The following NSDHL variants were observed in gnomAD, a reference collection of about 807,000 sequenced individuals.
NSDHL encodes NAD(P) dependent 3-beta-hydroxysteroid dehydrogenase NSDHL.
NSDHL carries 1 observed loss-of-function variant against 23.0 expected under a neutral mutation model. The ratio of observed to expected loss-of-function variants is 0.04; its 90% CI spans 0.02 to 0.21. The LOEUF is 0.21. Among genes scored for constraint, NSDHL ranks in the 10% least tolerant of loss-of-function variants. The pLI, the probability that NSDHL is intolerant of heterozygous loss-of-function variation, is 1.00. For missense variants in NSDHL, 237 were observed against 300.9 expected, an observed-to-expected ratio of 0.79 and a Z score of 1.57; for synonymous variants, 128 against 121.1, an observed-to-expected ratio of 1.06 and a Z score of -0.37.
At chrX:152,853,453 T>C (rs1393884886) in intron 3 of NSDHL, among the ~76,000 whole-genome samples, 2 of 111,116 alleles carry the variant, frequency 1.8e-5, no homozygotes, top group Admixed American at 9.6e-5. Flanking sequence ...ATCCAACAAC[T>C]TCTCACCCCT....
At chrX:152,843,912 G>A (rs1438923204) in intron 1 of NSDHL, among the ~76,000 whole-genome samples, 3 of 112,147 alleles carry the variant, frequency 2.7e-5, no homozygotes, top group Non-Finnish European at 5.6e-5. Context: ...TTGTTAGCCA[G>A]CATCTAGTTG....
intron 1 of NSDHL, 39 bp from the exon 2 acceptor site, chrX:152,846,243 T>C (rs1416752934): frequency 2.8e-6 from 2 of 726,545 alleles, no homozygotes; most frequent in Non-Finnish European, 4.4e-6. Flanking sequence ...TGTTTTGACT[T>C]AGGCAACATT....
At chrX:152,859,778 G>A (rs1933498780) in intron 4 of NSDHL, among the ~76,000 whole-genome samples, 1 of 112,363 alleles carries the variant, frequency 8.9e-6, no homozygotes, top group Admixed American at 9.4e-5. Flanking sequence ...CTAGTTCTAC[G>A]TTTAACCTTT....
intron 1 of NSDHL, among the ~76,000 whole-genome samples, chrX:152,832,745 G>A (rs371315701): frequency 5.3e-5 from 6 of 112,165 alleles, no homozygotes; most frequent in African/African-American, 1.9e-4. Flanking sequence ...TGGGCAAGTC[G>A]CTTAACCTCT....
chrX:152,848,686 T>C (rs781818753), intron 2 of NSDHL, among the ~76,000 whole-genome samples: 2 of 112,176 alleles, frequency 1.8e-5, no homozygotes, highest in Non-Finnish European at 1.9e-5. Flanking sequence ...TAGTAACATA[T>C]CTAGTTCTGA....
chrX:152,832,632 C>G (rs1933031527), intron 1 of NSDHL, among the ~76,000 whole-genome samples: 1 of 111,985 alleles, frequency 8.9e-6, no homozygotes, highest in African/African-American at 3.3e-5. Context: ...TAATGTCCCT[C>G]CATACCTTGC....
intron 1 of NSDHL, among the ~76,000 whole-genome samples, chrX:152,840,186 CTAGT>C (rs1933167521): frequency 8.9e-6 from 1 of 112,150 alleles, no homozygotes; most frequent in African/African-American, 3.2e-5. Context: ...ACTGTTTATT[CTAGT>C]TAGTCATTCA....
At position 152,850,421 on chromosome X, in the gene NSDHL, C is replaced by G. The variant is rs145580873; in HGVS notation, c.265C>G (p.Gln89Glu). The G allele has an allele frequency of 2.3e-5, 28 of 1,208,522 alleles. No individual in the cohort carries two copies. Among genetic ancestry groups the G allele is most frequent in the Non-Finnish European group, 3.0e-5 (27 of 893,626 alleles). ...CTTTCTGGGTGACCTCTGCAGCCGA[C>G]AGGTAATGGACCATGCAGCCTTGCT... The part of the protein sequence containing the change: ...RFFLGDLCSR[Q>E]DLYPALKGVN... Residue 89 changes from glutamine (Q) to glutamate (E), a missense_variant and splice_region_variant, in exon 3 of 8, where the codon CAG becomes GAG. Transcript: ENST00000370274.
At position 152,859,968 on chromosome X, in the gene NSDHL, C is replaced by A. The variant is rs73641507; in HGVS notation, c.414+1052C>A. On this transcript the variant is annotated intron_variant, in intron 4 of 7. Coordinates refer to ENST00000370274, the MANE Select transcript of NSDHL (RefSeq NM_015922.3). Reference sequence around the variant, plus strand: ...GGTTCTTAGAATTGTCTTTAGAGGACTCCAGCCACTGGCTAAAACGGCTCC... The same window carrying A: ...GGTTCTTAGAATTGTCTTTAGAGGAATCCAGCCACTGGCTAAAACGGCTCC... Among the ~76,000 whole-genome samples, 738 of 112,515 alleles carry A rather than the reference C, an allele frequency of 6.6e-3. 11 individuals are homozygous for A. The highest frequency in any genetic ancestry group is 0.022 in the African/African-American group (691 of 30,938).
intron 5 of NSDHL, among the ~76,000 whole-genome samples, chrX:152,864,225 A>G (rs1933572665): frequency 8.9e-6 from 1 of 112,431 alleles, no homozygotes; most frequent in African/African-American, 3.2e-5. Flanking sequence ...CTGTTGCTTC[A>G]GCTCAGAAAG....
At chrX:152,865,569 G>A (rs1933593405) in intron 5 of NSDHL, among the ~76,000 whole-genome samples, 1 of 112,781 alleles carries the variant, frequency 8.9e-6, no homozygotes, top group South Asian at 3.6e-4. Context: ...ACCAGTTTTT[G>A]CCCAGCTGTC....
intron 1 of NSDHL, among the ~76,000 whole-genome samples, chrX:152,845,846 T>G (rs1162877447): frequency 8.9e-6 from 1 of 112,252 alleles, no homozygotes; most frequent in Non-Finnish European, 1.9e-5. Flanking sequence ...GGGAAGTGAC[T>G]GGAGCAATTC....
In NSDHL at chrX:152,839,633, C is replaced by T. The variant is rs782009486; in HGVS notation, c.-43-6649C>T. ...AGAATGTTGAATATTGGCTCCCACT[C>T]TCTTCTGGCTTGTAGGGTTTCTGCC... On this transcript the variant is annotated intron_variant, in intron 1 of 7. Coordinates refer to ENST00000370274, the MANE Select transcript of NSDHL (RefSeq NM_015922.3). Among the ~76,000 whole-genome samples the T allele has an allele frequency of 2.7e-5, 3 of 112,736 alleles. 1 individual carries two copies. The South Asian group carries it at 1.1e-3, about 41-fold the overall frequency.
At chrX:152,867,423 C>T (rs1264288527) in intron 6 of NSDHL, 148 bp from the exon 7 acceptor site, 1 of 515,151 alleles carries the variant, frequency 1.9e-6, no homozygotes, top group Non-Finnish European at 3.5e-6. Flanking sequence ...CCAGTACAGG[C>T]ATCCATGAGT....
Position 152,869,267 on chromosome X carries a change from G to A in NSDHL, c.*151G>A, listed in dbSNP as rs1307415772. On this transcript the variant is annotated 3_prime_UTR_variant, in exon 8 of 8. Transcript: ENST00000370274. The stretch of plus-strand genomic sequence containing the variant: ...GAGCGCACCCTACTCTTTCCGTGAC[G>A]ATGAGGGCGGCAAAAACAGACATTT... 7.7e-6 allele frequency: 4 copies of A among 519,499 alleles called. No individual in the cohort carries two copies. The highest frequency in any genetic ancestry group is 5.1e-4 in the Middle Eastern group (1 of 1,946). 42.8% of individuals were successfully genotyped at this position (519,499 alleles called of 1,213,427 possible).
At position 152,869,071 on chromosome X, in the gene NSDHL, G is replaced by C. The variant is rs1556848547; in HGVS notation, c.1077G>C (p.Met359Ile). Residue 359 changes from methionine to isoleucine, a missense_variant, in exon 8 of 8, where the codon ATG becomes ATC. By Grantham distance (10) the Met-to-Ile change is conservative. This residue lies in a region of NSDHL where 117 missense variants were observed against 99.5 expected (regional missense o/e 1.18). Coordinates refer to ENST00000370274, the MANE Select transcript of NSDHL (RefSeq NM_015922.3). ...CACTAGTGACCATGGATGATGCTAT[G>C]GAGAGGACCGTGCAGAGCTTTCGCC... ...YQPLVTMDDA[M>I]ERTVQSFRHL... 7.4e-6 allele frequency: 9 copies of C among 1,210,799 alleles called. No individual in the cohort carries two copies. Among genetic ancestry groups the C allele is most frequent in the Non-Finnish European group, 1.0e-5 (9 of 895,310 alleles).
chrX:152,867,262 C>T (rs1933621441), intron 6 of NSDHL, among the ~76,000 whole-genome samples: 1 of 112,221 alleles, frequency 8.9e-6, no homozygotes, highest in Non-Finnish European at 1.9e-5. Context: ...CCCCGTGTCT[C>T]CTGGGAAGGG....
In NSDHL at chrX:152,868,823, A is replaced by T. The variant is rs1556848444; in HGVS notation, c.829A>T (p.Thr277Ser). Residue 277 changes from threonine (T) to serine (S), a missense_variant, in exon 8 of 8, where the codon ACA becomes TCA. By Grantham distance (58) the Thr-to-Ser change is moderately conservative. Transcript: ENST00000370274. ...CAATGATGAGCCCATCCCTTTCTGG[A>T]CATTCCTGTCTCGCATCCTGACAGG... ...ITNDEPIPFWTFLSRILTGLN... is the reference protein window; with the variant it reads ...ITNDEPIPFWSFLSRILTGLN... 4 of 1,211,373 alleles carry T rather than the reference A, an allele frequency of 3.3e-6. No individual in the cohort carries two copies. The South Asian group carries it at 7.0e-5, about 21-fold the overall frequency.
chrX:152,846,863 T>G (rs6526131), intron 2 of NSDHL, among the ~76,000 whole-genome samples: 7,136 of 112,139 alleles, frequency 0.064, 183 homozygotes, highest in South Asian at 0.12. Context: ...CAGTATTTAT[T>G]AGGCCTAAGA....
Sources: gnomAD v4.1 joint callset for allele counts (sites outside exome capture counted in the v4.1 genomes callset) on GRCh38, gnomAD v4.1.1 for gene constraint, gnomAD v4.1.1 regional missense constraint, MANE v1.5 for transcripts, NCBI Gene and HGNC (gene_info 2026-07-23, HGNC 2026-07-21) for gene names.